The following FAM114A1 variants were observed in gnomAD, a reference collection of about 807,000 sequenced individuals.
The protein encoded by FAM114A1 is family with sequence similarity 114 member A1.
FAM114A1 carries 62 observed loss-of-function variants against 64.3 expected under a neutral mutation model. That is an observed-to-expected ratio of 0.96 (90% CI 0.79 to 1.19). FAM114A1 has a LOEUF of 1.19. FAM114A1 is among the 50% of genes most tolerant of loss of function. FAM114A1 has a pLI of 0.00. For synonymous variants in FAM114A1, 254 were observed against 251.1 expected, an observed-to-expected ratio of 1.01 and a Z score of -0.11; for missense variants, 645 against 676.3, an observed-to-expected ratio of 0.95 and a Z score of 0.51.
Position 38,943,554 on chromosome 4 carries a change from G to A in FAM114A1, c.1689G>A (p.Pro563=), listed in dbSNP as rs755570251. The change falls in exon 15 of 15, where the codon CCG becomes CCA. Residue 563 remains proline (P), a synonymous_variant. Coordinates refer to ENST00000358869, the MANE Select transcript of FAM114A1 (RefSeq NM_138389.4). ...AGACCAGTTGTTTGAAAGCACAGCC[G>A]TGACCTGGCCAGACTCCATCTAGTT... ...HIQTSCLKAQ[P] is the part of the protein sequence containing the mutation. 5 of 1,613,362 alleles carry A rather than the reference G, an allele frequency of 3.1e-6. No individual in the cohort carries two copies. The highest frequency in any genetic ancestry group is 2.2e-5 in the East Asian group (1 of 44,878).
At chr4:38,871,086 C>CTTTTTTTTT (rs9306968) in intron 2 of FAM114A1, among the ~76,000 whole-genome samples, 1 of 94,038 alleles carries the variant, frequency 1.1e-5, no homozygotes, top group African/African-American at 4.5e-5. Context: ...TTTTTTCTTT[C>CTTTTTTTTT]TTTTTTTTTT....
At chr4:38,920,743 G>A (rs1719511975) in intron 8 of FAM114A1, among the ~76,000 whole-genome samples, 1 of 152,182 alleles carries the variant, frequency 6.6e-6, no homozygotes, top group Non-Finnish European at 1.5e-5. Flanking sequence ...TAGATCTGAA[G>A]CCTAAGAATA....
intron 3 of FAM114A1, 114 bp downstream of exon 3, chr4:38,878,540 C>T: frequency 1.3e-6 from 1 of 787,862 alleles, no homozygotes; most frequent in East Asian, 2.6e-5. Context: ...TGTACTGTGA[C>T]ATCCCCTCTG....
At chr4:38,938,909 A>G (rs1721332912) in intron 13 of FAM114A1, among the ~76,000 whole-genome samples, 1 of 152,202 alleles carries the variant, frequency 6.6e-6, no homozygotes, top group South Asian at 2.1e-4. Context: ...TATGTGTTAA[A>G]TCTTAATTTA....
chr4:38,878,543 C>A, intron 3 of FAM114A1, 117 bp downstream of exon 3: 1 of 766,844 alleles, frequency 1.3e-6, no homozygotes. Flanking sequence ...ACTGTGACAT[C>A]CCCTCTGTCA....
At chr4:38,942,909 TAA>T (rs1467541867) in intron 14 of FAM114A1, among the ~76,000 whole-genome samples, 7 of 152,070 alleles carry the variant, frequency 4.6e-5, no homozygotes, top group African/African-American at 1.7e-4. Context: ...TGATGGATCT[TAA>T]AAGTCCATAG....
At position 38,878,297 on chromosome 4, in the gene FAM114A1, G is replaced by A. The variant is rs144004845; in HGVS notation, c.219G>A (p.Gln73=). 1.0e-3 allele frequency: 1,622 copies of A among 1,614,108 alleles called. 1 individual carries two copies. Among genetic ancestry groups the A allele is most frequent in the Non-Finnish European group, 1.2e-3 (1,369 of 1,180,036 alleles). ...CCATTGGGCCCCCTGTGCAGCCTCA[G>A]GATGCCAACGCCCTGGAGCCCCCTC... ...AAAIGPPVQP[Q]DANALEPPLN... The change falls in exon 3 of 15, where the codon CAG becomes CAA. Residue 73 remains glutamine (Q), a synonymous_variant. Coordinates refer to ENST00000358869, the MANE Select transcript of FAM114A1 (RefSeq NM_138389.4).
chr4:38,922,798 G>A lies in FAM114A1; in HGVS notation c.974G>A (p.Gly325Glu), dbSNP rs1719733379. 6 of 1,612,970 alleles carry A rather than the reference G, an allele frequency of 3.7e-6. No homozygotes were observed. The highest frequency in any genetic ancestry group is 5.1e-6 in the Non-Finnish European group (6 of 1,179,752). ...KVQSFLASLDGEKLELLKNDL... is the reference protein window; with the variant it reads ...KVQSFLASLDEEKLELLKNDL... ...CAGTCATTTTTAGCATCACTTGATG[G>A]AGAGAAGCTGGAACTCTTAAAAAAT... Residue 325 changes from glycine (G) to glutamate (E), a missense_variant, in exon 9 of 15, where the codon GGA (glycine) becomes GAA (glutamate). Physicochemically the swap from Gly to Glu is moderately conservative, Grantham distance 98. Transcript: ENST00000358869.
intron 13 of FAM114A1, among the ~76,000 whole-genome samples, chr4:38,939,886 C>CTTTTTTTTTTTTT (rs545845095): frequency 1.5e-5 from 2 of 131,668 alleles, no homozygotes; most frequent in Non-Finnish European, 1.6e-5. Flanking sequence ...CACTTTCTTT[C>CTTTTTTTTTTTTT]TTTTTTTTTT....
At chr4:38,888,481 C>CCA (rs957723505) in intron 3 of FAM114A1, among the ~76,000 whole-genome samples, 10 of 152,142 alleles carry the variant, frequency 6.6e-5, no homozygotes, top group African/African-American at 2.4e-4. Context: ...TATTATCATA[C>CCA]CACACACTCC....
chr4:38,903,591 T>G (rs1717711440), intron 4 of FAM114A1, among the ~76,000 whole-genome samples: 1 of 152,210 alleles, frequency 6.6e-6, no homozygotes, highest in African/African-American at 2.4e-5. Flanking sequence ...GCAGGGAAGT[T>G]GGACTCAGTA....
At position 38,939,886 on chromosome 4, in the gene FAM114A1, CTTTTTTTTT is replaced by C. The variant is rs545845095; in HGVS notation, c.1537-1072_1537-1064del. ...ACCAACTCTGCCTTTCACTTTCTTTCTTTTTTTTTTTTTTTTTTGTTAGACGGAGTCTTA... is the reference window on the plus strand; with the variant it reads ...ACCAACTCTGCCTTTCACTTTCTTTCTTTTTTTTTGTTAGACGGAGTCTTA... On this transcript the variant is annotated intron_variant, in intron 13 of 14. Transcript: ENST00000358869. 2.9e-4 allele frequency among the ~76,000 whole-genome samples: 38 copies of C among 131,642 alleles called. 1 individual carries two copies. The South Asian group carries it at 8.7e-3, about 30-fold the overall frequency. The allele number at this position is 131,642 out of a possible 152,430, so 86.4% of individuals were successfully genotyped here.
Position 38,940,541 on chromosome 4 carries a change from AT to A in FAM114A1, c.1537-426del, listed in dbSNP as rs1180901726. On this transcript the variant is annotated intron_variant, in intron 13 of 14. Transcript: ENST00000358869. ...TATATTTTAAAATAAAAGTGCCAAA[AT>A]ATTATGATCATCAAAATATCAAAAT... Among the ~76,000 whole-genome samples the A allele has an allele frequency of 2.6e-5, 4 of 152,202 alleles. No individual in the cohort carries two copies. In the East Asian group the frequency reaches 7.7e-4, roughly 29 times the overall value.
In FAM114A1 at chr4:38,941,135, A is replaced by G. The variant is rs1264446200; in HGVS notation, c.1590+114A>G. 22 of 906,576 alleles carry G rather than the reference A, an allele frequency of 2.4e-5. No homozygotes were observed. The East Asian group carries it at 5.7e-4, about 24-fold the overall frequency. The allele number at this position is 906,576 out of a possible 1,614,324, so 56.2% of individuals were successfully genotyped here. On this transcript the variant is annotated intron_variant, in intron 14 of 14. Transcript: ENST00000358869. ...AAATGTTATTGCAATTCTGAATCTCATCATCAGGTCTTTTTTGAGTAAATT... is the reference window on the plus strand; with the variant it reads ...AAATGTTATTGCAATTCTGAATCTCGTCATCAGGTCTTTTTTGAGTAAATT...
At chr4:38,943,130 T>C (rs1340051624) in intron 14 of FAM114A1, among the ~76,000 whole-genome samples, 1 of 150,794 alleles carries the variant, frequency 6.6e-6, no homozygotes, top group South Asian at 2.1e-4. Context: ...GAGGCGGAAG[T>C]TGCAGTGAGC....
chr4:38,893,546 A>G (rs1458180214), intron 4 of FAM114A1, among the ~76,000 whole-genome samples: 1 of 152,210 alleles, frequency 6.6e-6, no homozygotes, highest in East Asian at 1.9e-4. Flanking sequence ...GGTAGCAGCT[A>G]TAGGTGCTCT....
At chr4:38,873,722 G>A (rs759228415) in intron 2 of FAM114A1, among the ~76,000 whole-genome samples, 1 of 152,228 alleles carries the variant, frequency 6.6e-6, no homozygotes, top group Non-Finnish European at 1.5e-5. Flanking sequence ...TCTTGTGGAT[G>A]TGCCAGGCAT....
At chr4:38,873,142 C>T (rs755413518) in intron 2 of FAM114A1, among the ~76,000 whole-genome samples, 4 of 152,172 alleles carry the variant, frequency 2.6e-5, no homozygotes, top group African/African-American at 4.8e-5. Flanking sequence ...TGACAGCCCA[C>T]GGCCAACCTT....
chr4:38,936,035 C>T lies in FAM114A1; in HGVS notation c.1536+245C>T, dbSNP rs1045494938. 2.6e-5 allele frequency among the ~76,000 whole-genome samples: 4 copies of T among 151,816 alleles called. No homozygotes were observed. In the South Asian group the frequency reaches 8.3e-4, roughly 31 times the overall value. On this transcript the variant is annotated intron_variant, in intron 13 of 14. Transcript: ENST00000358869. ...GTTGGGTGAGTGAGTTTTCAAACCTCTGTGGCCCTTATTTTCTTTGTTTTT... is the reference window on the plus strand; with the variant it reads ...GTTGGGTGAGTGAGTTTTCAAACCTTTGTGGCCCTTATTTTCTTTGTTTTT...
Sources: gnomAD v4.1 joint callset for allele counts (sites outside exome capture counted in the v4.1 genomes callset) on GRCh38, gnomAD v4.1.1 for gene constraint, MANE v1.5 for transcripts, NCBI Gene and HGNC (gene_info 2026-07-23, HGNC 2026-07-21) for gene names.